Variants in CCDC171 observed in about 807,000 individuals in gnomAD.
The protein encoded by CCDC171 is coiled-coil domain-containing protein 171.
A neutral mutation model predicts 168.2 loss-of-function variants in CCDC171; 177 were observed. The observed-to-expected ratio is 1.05, with a 90% CI of 0.93 to 1.19. CCDC171 has a LOEUF of 1.19. Ranked by LOEUF, CCDC171 falls within the 50% of genes most tolerant of loss-of-function variation. The pLI is 0.00. For missense variants in CCDC171, 1,991 were observed against 1,539.0 expected, an observed-to-expected ratio of 1.29 and a Z score of -4.91; for synonymous variants, 687 against 540.8, an observed-to-expected ratio of 1.27 and a Z score of -3.75.
At chr9:15,560,334 T>C (rs1586955809) in intron 1 of CCDC171, among the ~76,000 whole-genome samples, 1 of 152,304 alleles carries the variant, frequency 6.6e-6, no homozygotes, top group East Asian at 1.9e-4. Context: ...TTCCACTGGG[T>C]TCCATTCTCC....
rs560392511 is a variant in CCDC171 at position 15,575,847 on chromosome 9, T to G, written c.178-3002T>G. Among the ~76,000 whole-genome samples, 5 of 152,318 alleles carry G rather than the reference T, an allele frequency of 3.3e-5. No individual in the cohort carries two copies. The East Asian group carries it at 9.7e-4, about 29-fold the overall frequency. ...TGGCTCACGCCTGTAATCCCAGCAC[T>G]TTAGGAGGCTGAGGTGGGCAAATCA... is the stretch of plus-strand genomic sequence containing the variant. On this transcript the variant is annotated intron_variant, in intron 3 of 25. Coordinates refer to ENST00000380701, the MANE Select transcript of CCDC171 (RefSeq NM_173550.4).
intron 11 of CCDC171, among the ~76,000 whole-genome samples, chr9:15,702,026 G>A (rs1399923653): frequency 6.6e-6 from 1 of 152,142 alleles, no homozygotes; most frequent in Admixed American, 6.5e-5. Flanking sequence ...TGATCCATGG[G>A]CTACAGAATG....
In CCDC171 at chr9:15,820,731, G is replaced by A. The variant is rs547867761; in HGVS notation, c.3268-25971G>A. 5.1e-4 allele frequency among the ~76,000 whole-genome samples: 60 copies of A among 117,214 alleles called. 17 individuals carry two copies. The highest frequency in any genetic ancestry group is 1.9e-3 in the African/African-American group (60 of 31,250). The allele number at this position is 117,214 out of a possible 152,430, so 76.9% of individuals were successfully genotyped here. ...ACCAAAAAAAGTCCAGGACCAGATG[G>A]ATTCACAGCCGAATTCTACCAGAGG... On this transcript the variant is annotated intron_variant, in intron 21 of 25. Coordinates refer to ENST00000380701, the MANE Select transcript of CCDC171 (RefSeq NM_173550.4).
intron 7 of CCDC171, among the ~76,000 whole-genome samples, chr9:15,649,351 G>A (rs2047313318): frequency 1.3e-5 from 2 of 152,186 alleles, no homozygotes; most frequent in African/African-American, 2.4e-5. Context: ...AGGACTTCAT[G>A]ACTAAAACAC....
At chr9:15,740,893 G>A (rs545321714) in intron 16 of CCDC171, among the ~76,000 whole-genome samples, 1 of 152,102 alleles carries the variant, frequency 6.6e-6, no homozygotes, top group South Asian at 2.1e-4. Flanking sequence ...AATTTACTTA[G>A]GAATAATTGA....
Position 15,784,574 on chromosome 9 carries a change from A to G in CCDC171, c.3147A>G (p.Glu1049=). The part of the protein sequence containing the change: ...CEELNNALLR[E]EQAQMLLNEQ... ...AACTAAATAATGCATTACTTCGGGA[A>G]GAGCAGGCACAAATGCTATTGAATG... Residue 1049 remains glutamate (E), a synonymous_variant, in exon 21 of 26, where the codon GAA becomes GAG. Coordinates refer to ENST00000380701, the MANE Select transcript of CCDC171 (RefSeq NM_173550.4). 6.2e-7 allele frequency: 1 copy of G among 1,613,438 alleles called. No homozygotes were observed. The highest frequency in any genetic ancestry group is 8.5e-7 in the Non-Finnish European group (1 of 1,179,540).
intron 7 of CCDC171, among the ~76,000 whole-genome samples, chr9:15,631,997 A>G (rs1388744001): frequency 1.3e-5 from 2 of 152,168 alleles, no homozygotes; most frequent in Non-Finnish European, 2.9e-5. Context: ...CTCTCAATAA[A>G]TTAGGTATTG....
Position 15,659,347 on chromosome 9 carries a change from A to G in CCDC171, c.915+2128A>G, listed in dbSNP as rs145543400. On this transcript the variant is annotated intron_variant, in intron 8 of 25. Transcript: ENST00000380701. ...TGATTTTAATATTTTATAGACAGTT[A>G]TGACTTTTCGCTTAAATGTTTTCTC... 5.5e-4 allele frequency among the ~76,000 whole-genome samples: 84 copies of G among 152,328 alleles called. 1 individual carries two copies. The East Asian group carries it at 0.015, about 27-fold the overall frequency.
chr9:15,971,768 A>G lies in CCDC171; in HGVS notation c.3913A>G (p.Thr1305Ala). The change falls in exon 26 of 26, where the codon ACA (threonine) becomes GCA (alanine). Residue 1305 changes from threonine to alanine, a missense_variant. Coordinates refer to ENST00000380701, the MANE Select transcript of CCDC171 (RefSeq NM_173550.4). The stretch of plus-strand genomic sequence containing the variant: ...TATAAATACTGTGCCCCATGCTCTG[A>G]CATCATCTCACTCCTCTCCAGTGAC... ...TFINTVPHALTSSHSSPVTMS... is the reference protein window; with the variant it reads ...TFINTVPHALASSHSSPVTMS... The G allele has an allele frequency of 6.2e-7, 1 of 1,614,020 alleles. No homozygotes were observed. Among genetic ancestry groups the G allele is most frequent in the South Asian group, 1.1e-5 (1 of 91,084 alleles).
chr9:15,838,354 TATG>T (rs2060537002), intron 21 of CCDC171, among the ~76,000 whole-genome samples: 1 of 152,192 alleles, frequency 6.6e-6, no homozygotes, highest in Non-Finnish European at 1.5e-5. Flanking sequence ...TTAAATGAGC[TATG>T]ATGATATAGC....
rs1184127169 is a variant in CCDC171, at chr9:15,695,556, G to A, written c.1318+219G>A. ...TGTCCTCCCAGAACTTGATTTACAA[G>A]TGTTGGGGTGTGTGTGATTGGACAG... is the stretch of plus-strand genomic sequence containing the variant. On this transcript the variant is annotated intron_variant, in intron 11 of 25. Coordinates refer to ENST00000380701, the MANE Select transcript of CCDC171 (RefSeq NM_173550.4). Among the ~76,000 whole-genome samples the A allele has an allele frequency of 2.0e-5, 3 of 152,176 alleles. No homozygotes were observed. The East Asian group carries it at 5.8e-4, about 29-fold the overall frequency.
chr9:16,083,747 C>A, the CCDC171 span, among the ~76,000 whole-genome samples: 1 of 152,232 alleles, frequency 6.6e-6, no homozygotes, highest in Non-Finnish European at 1.5e-5. Context: ...TGTTAGCTCC[C>A]CTAATGGAAG....
chr9:16,081,285 G>T, the CCDC171 span, among the ~76,000 whole-genome samples: 3 of 152,210 alleles, frequency 2.0e-5, no homozygotes, highest in Non-Finnish European at 2.9e-5. Flanking sequence ...CTCAAGAAAG[G>T]TTCATCAAAT....
intron 3 of CCDC171, among the ~76,000 whole-genome samples, chr9:15,988,497 G>C (rs1406014020): frequency 6.6e-6 from 1 of 152,186 alleles, no homozygotes; most frequent in Non-Finnish European, 1.5e-5. Flanking sequence ...CCCAGCTTGA[G>C]TGACACAGAA....
At chr9:15,840,558 T>C (rs1038696939) in intron 21 of CCDC171, among the ~76,000 whole-genome samples, 1 of 152,162 alleles carries the variant, frequency 6.6e-6, no homozygotes, top group African/African-American at 2.4e-5. Flanking sequence ...GATTTTGTTA[T>C]AGCAGCATCA....
intron 9 of CCDC171, among the ~76,000 whole-genome samples, chr9:15,674,959 G>A (rs563259743): frequency 1.3e-5 from 2 of 152,118 alleles, no homozygotes; most frequent in East Asian, 3.9e-4. Context: ...TGACAGTGGG[G>A]TTTTAAAGTC....
At chr9:15,590,007 A>C (rs2041865680) in intron 4 of CCDC171, among the ~76,000 whole-genome samples, 1 of 152,248 alleles carries the variant, frequency 6.6e-6, no homozygotes, top group South Asian at 2.1e-4. Flanking sequence ...ACCGTTATGG[A>C]AAGAAGTAGA....
chr9:15,654,836 C>T lies in CCDC171; in HGVS notation c.823-2291C>T, dbSNP rs568502566. Reference sequence around the variant, plus strand: ...TGGGTGCAGTGCACTGAGCGTGAGCCGAAGCAGAGTGAAGGATATGAACAG... The same window carrying T: ...TGGGTGCAGTGCACTGAGCGTGAGCTGAAGCAGAGTGAAGGATATGAACAG... On this transcript the variant is annotated intron_variant, in intron 7 of 25. Transcript: ENST00000380701. Among the ~76,000 whole-genome samples, 406 of 152,052 alleles carry T rather than the reference C, an allele frequency of 2.7e-3. 3 individuals carry two copies. The highest frequency in any genetic ancestry group is 3.2e-3 in the Non-Finnish European group (220 of 67,992).
chr9:16,093,147 C>G, the CCDC171 span, among the ~76,000 whole-genome samples: 1 of 152,220 alleles, frequency 6.6e-6, no homozygotes, highest in Non-Finnish European at 1.5e-5. Flanking sequence ...TTTCTCGTCT[C>G]AAATAAGGGA....
Sources: allele counts gnomAD v4.1 joint callset (sites outside exome capture counted in the v4.1 genomes callset), GRCh38; gene constraint gnomAD v4.1.1; transcripts MANE v1.5; gene names NCBI Gene and HGNC (gene_info 2026-07-23, HGNC 2026-07-21).